B3GLCT: variants seen among roughly 807,000 people sequenced by gnomAD.
B3GLCT encodes beta 3-glucosyltransferase, also known as beta-1,3-glucosyltransferase.
Under a neutral mutation model 63.4 loss-of-function variants are expected in B3GLCT, and 65 were observed. The ratio of observed to expected loss-of-function variants is 1.03; its 90% CI spans 0.84 to 1.26. B3GLCT has a LOEUF of 1.26. Among genes scored for constraint, B3GLCT ranks in the 50% most tolerant of loss-of-function variants. B3GLCT has a pLI of 0.00. For synonymous variants in B3GLCT, 233 were observed against 219.2 expected, an observed-to-expected ratio of 1.06 and a Z score of -0.55; for missense variants, 577 against 604.8, an observed-to-expected ratio of 0.95 and a Z score of 0.48.
At chr13:31,200,831 C>G (rs1164115367) in intron 1 of B3GLCT, among the ~76,000 whole-genome samples, 1 of 152,078 alleles carries the variant, frequency 6.6e-6, no homozygotes, top group Admixed American at 6.5e-5. Context: ...TCCGCGGGAG[C>G]TGGCGCGGCG....
intron 12 of B3GLCT, among the ~76,000 whole-genome samples, chr13:31,315,053 A>G (rs1478553980): frequency 6.6e-6 from 1 of 152,178 alleles, no homozygotes; most frequent in Non-Finnish European, 1.5e-5. Flanking sequence ...CCCCAGCCAC[A>G]AGGTGGAACT....
At chr13:31,287,753 T>C (rs1237452554) in intron 12 of B3GLCT, among the ~76,000 whole-genome samples, 1 of 152,212 alleles carries the variant, frequency 6.6e-6, no homozygotes, top group Admixed American at 6.5e-5. Context: ...ATTAAATAGT[T>C]ATTATACCTC....
At chr13:31,257,962 G>A (rs1275997384) in intron 6 of B3GLCT, among the ~76,000 whole-genome samples, 1 of 152,162 alleles carries the variant, frequency 6.6e-6, no homozygotes, top group Admixed American at 6.5e-5. Context: ...TTTCAGGGGA[G>A]ATAAGCAATA....
At chr13:31,265,230 G>A (rs1460061406) in intron 7 of B3GLCT, among the ~76,000 whole-genome samples, 1 of 152,164 alleles carries the variant, frequency 6.6e-6, no homozygotes, top group Non-Finnish European at 1.5e-5. Context: ...AGTATTAACA[G>A]TTGCCAGGGA....
At chr13:31,242,209 C>G (rs912413928) in intron 4 of B3GLCT, among the ~76,000 whole-genome samples, 2 of 152,138 alleles carry the variant, frequency 1.3e-5, no homozygotes, top group African/African-American at 4.8e-5. Flanking sequence ...GGGCCATGAT[C>G]CCTCGTGCAG....
At chr13:31,262,900 AT>A (rs1469197697) in intron 7 of B3GLCT, among the ~76,000 whole-genome samples, 1 of 151,978 alleles carries the variant, frequency 6.6e-6, no homozygotes, top group Non-Finnish European at 1.5e-5. Flanking sequence ...CGTGGCTGTG[AT>A]TTTTCTGACT....
At chr13:31,230,619 CT>C (rs1820991689) in intron 4 of B3GLCT, among the ~76,000 whole-genome samples, 1 of 152,210 alleles carries the variant, frequency 6.6e-6, no homozygotes, top group African/African-American at 2.4e-5. Flanking sequence ...GGTTGCTCTG[CT>C]TGAAACATCG....
intron 1 of B3GLCT, among the ~76,000 whole-genome samples, chr13:31,207,408 G>T (rs1023529536): frequency 6.6e-6 from 1 of 152,074 alleles, no homozygotes; most frequent in African/African-American, 2.4e-5. Context: ...GCTAGTGAGG[G>T]TGGGGTTTTA....
Position 31,329,732 on chromosome 13 carries a change from C to CTTG in B3GLCT, c.*65_*66insTGT. On this transcript the variant is annotated 3_prime_UTR_variant, in exon 15 of 15. Transcript: ENST00000343307. ...AACTGGAGACTGTGGCCTCATCCCA[C>CTTG]TGTGCTGTGCTCACAACACTTGTGT... is the stretch of plus-strand genomic sequence containing the variant. 1 of 1,562,162 alleles carries CTTG rather than the reference C, an allele frequency of 6.4e-7. No individual in the cohort carries two copies. Among genetic ancestry groups the CTTG allele is most frequent in the Non-Finnish European group, 8.8e-7 (1 of 1,137,272 alleles).
At chr13:31,232,692 A>G (rs1041738413) in intron 4 of B3GLCT, among the ~76,000 whole-genome samples, 5 of 152,230 alleles carry the variant, frequency 3.3e-5, no homozygotes, top group Non-Finnish European at 7.3e-5. Flanking sequence ...ATGTATCCCC[A>G]TAAAGGTTTT....
At chr13:31,204,447 G>A (rs1159866919) in intron 1 of B3GLCT, among the ~76,000 whole-genome samples, 2 of 152,168 alleles carry the variant, frequency 1.3e-5, no homozygotes, top group Non-Finnish European at 2.9e-5. Flanking sequence ...CCTAGAGGAT[G>A]TGACGTTAGA....
At chr13:31,255,765 G>T (rs568637471) in intron 6 of B3GLCT, among the ~76,000 whole-genome samples, 3 of 152,088 alleles carry the variant, frequency 2.0e-5, no homozygotes, top group African/African-American at 4.8e-5. Flanking sequence ...GCTGAAACTG[G>T]ATCCCTTTCT....
chr13:31,220,410 A>G (rs1439884960), intron 2 of B3GLCT, among the ~76,000 whole-genome samples: 1 of 152,222 alleles, frequency 6.6e-6, no homozygotes, highest in African/African-American at 2.4e-5. Flanking sequence ...TTCGTATCTG[A>G]ATAGCAATTC....
chr13:31,300,538 G>A (rs1253127600), intron 12 of B3GLCT, among the ~76,000 whole-genome samples: 1 of 152,120 alleles, frequency 6.6e-6, no homozygotes, highest in African/African-American at 2.4e-5. Flanking sequence ...ATAATTGGGT[G>A]GGCAGGGGGC....
chr13:31,238,217 A>G (rs1870751086), intron 4 of B3GLCT, among the ~76,000 whole-genome samples: 1 of 152,240 alleles, frequency 6.6e-6, no homozygotes, highest in Non-Finnish European at 1.5e-5. Flanking sequence ...AGGTGCTAAA[A>G]TGCAGCCTTA....
chr13:31,207,925 C>T (rs1869041131), intron 1 of B3GLCT, among the ~76,000 whole-genome samples: 1 of 152,176 alleles, frequency 6.6e-6, no homozygotes, highest in Admixed American at 6.5e-5. Context: ...TAGGTTTTAC[C>T]ATAGGCCAGG....
At chr13:31,308,405 C>T (rs1874521303) in intron 12 of B3GLCT, among the ~76,000 whole-genome samples, 1 of 142,952 alleles carries the variant, frequency 7.0e-6, no homozygotes, top group African/African-American at 2.6e-5. Context: ...TGAAATGTAT[C>T]AGCTGCATAA....
At chr13:31,297,478 C>T (rs1448716442) in intron 12 of B3GLCT, among the ~76,000 whole-genome samples, 1 of 151,452 alleles carries the variant, frequency 6.6e-6, no homozygotes, top group African/African-American at 2.4e-5. Context: ...AGCTATTTTC[C>T]CCTCTGTTCT....
chr13:31,217,552 G>T (rs544478446), intron 2 of B3GLCT, among the ~76,000 whole-genome samples: 1 of 152,068 alleles, frequency 6.6e-6, no homozygotes, highest in Non-Finnish European at 1.5e-5. Context: ...ATGTTTTCTT[G>T]TAGGGCTTTT....
Sources: gnomAD v4.1 joint callset for allele counts (sites outside exome capture counted in the v4.1 genomes callset) on GRCh38, gnomAD v4.1.1 for gene constraint, MANE v1.5 for transcripts, NCBI Gene and HGNC (gene_info 2026-07-23, HGNC 2026-07-21) for gene names.